The following MTPAP variants were observed in gnomAD, a reference collection of about 807,000 sequenced individuals.
The protein encoded by MTPAP is mitochondrial poly(A) polymerase.
MTPAP carries 23 observed loss-of-function variants against 48.7 expected under a neutral mutation model. The observed-to-expected ratio is 0.47, with a 90% CI of 0.34 to 0.67. MTPAP has a LOEUF of 0.67. Ranked by LOEUF, MTPAP falls within the 30% of genes least tolerant of loss-of-function variation. The probability of loss-of-function intolerance (pLI) is 0.01; values close to 1 mark genes in which losing one functional copy is unlikely to be tolerated. For missense variants in MTPAP, 614 were observed against 694.3 expected, an observed-to-expected ratio of 0.88 and a Z score of 1.30; for synonymous variants, 257 against 254.1, an observed-to-expected ratio of 1.01 and a Z score of -0.11.
In MTPAP at chr10:30,341,349, A is replaced by C. The variant is rs563635023; in HGVS notation, c.330+119T>G. The C allele has an allele frequency of 2.4e-6, 3 of 1,246,422 alleles. No individual in the cohort carries two copies. The African/African-American group carries it at 4.6e-5, about 19-fold the overall frequency. 77.2% of individuals were successfully genotyped at this position (1,246,422 alleles called of 1,614,324 possible). On this transcript the variant is annotated intron_variant, in intron 2 of 8. Coordinates refer to ENST00000263063, the MANE Select transcript of MTPAP (RefSeq NM_018109.4). ...AAAGAAATCTAGATAAAGAAGATGC[A>C]GTATATCAAAGAGAACCTACCTACC...
chr10:30,348,611 T>C (rs758391761), intron 1 of MTPAP, among the ~76,000 whole-genome samples: 2 of 152,004 alleles, frequency 1.3e-5, no homozygotes, highest in Non-Finnish European at 2.9e-5. Flanking sequence ...ACTGATTTGG[T>C]TCAAAATGGC....
chr10:30,320,431 G>A lies in MTPAP; in HGVS notation c.1219+1960C>T, dbSNP rs564727464. 5.3e-5 allele frequency among the ~76,000 whole-genome samples: 8 copies of A among 152,250 alleles called. No homozygotes were observed. The East Asian group carries it at 1.4e-3, about 26-fold the overall frequency. On this transcript the variant is annotated intron_variant, in intron 6 of 8. Transcript: ENST00000263063. The stretch of plus-strand genomic sequence containing the variant: ...TCCCAGCTATTCAGGAGGCTGAAGT[G>A]AGATTACGTGAGCCCGGGAGGTCGA...
intron 4 of MTPAP, among the ~76,000 whole-genome samples, chr10:30,327,854 A>C (rs187422543): frequency 3.9e-5 from 6 of 152,174 alleles, no homozygotes; most frequent in Admixed American, 1.3e-4. Context: ...TCAAAAAAAA[A>C]AAAAAAACTG....
chr10:30,328,294 A>G (rs1834622748), intron 4 of MTPAP, among the ~76,000 whole-genome samples: 1 of 152,252 alleles, frequency 6.6e-6, no homozygotes, highest in South Asian at 2.1e-4. Context: ...GTAAAGACAA[A>G]CAGGTTAGTG....
At chr10:30,329,805 A>G (rs1259710030) in intron 4 of MTPAP, among the ~76,000 whole-genome samples, 1 of 152,172 alleles carries the variant, frequency 6.6e-6, no homozygotes, top group Non-Finnish European at 1.5e-5. Context: ...ATTATCCAAC[A>G]AAAAGAGGAC....
At chr10:30,332,871 C>T (rs998646080) in intron 4 of MTPAP, among the ~76,000 whole-genome samples, 1 of 151,978 alleles carries the variant, frequency 6.6e-6, no homozygotes, top group African/African-American at 2.4e-5. Context: ...CCTGTAATCC[C>T]AGCACTTTGG....
chr10:30,326,012 G>C (rs1406553486), intron 5 of MTPAP, among the ~76,000 whole-genome samples: 1 of 151,932 alleles, frequency 6.6e-6, no homozygotes, highest in Non-Finnish European at 1.5e-5. Flanking sequence ...ACTTCAAGTT[G>C]GTATTTTATT....
chr10:30,316,092 G>C, intron 7 of MTPAP, 26 bp downstream of exon 7: 1 of 1,608,396 alleles, frequency 6.2e-7, no homozygotes, highest in Non-Finnish European at 8.5e-7. Context: ...ATCCAGAAAG[G>C]ATCAAGTAAA....
In MTPAP at chr10:30,313,451, C is replaced by G; in HGVS notation, c.*158G>C. On this transcript the variant is annotated 3_prime_UTR_variant, in exon 9 of 9. Coordinates refer to ENST00000263063, the MANE Select transcript of MTPAP (RefSeq NM_018109.4). The stretch of plus-strand genomic sequence containing the variant: ...CAGACTGATCAAACTGAAAACATCC[C>G]AGAACTTCAGACCAGGTTAAGGGGG... 9.8e-7 allele frequency: 1 copy of G among 1,023,092 alleles called. No homozygotes were observed. The highest frequency in any genetic ancestry group is 1.4e-5 in the South Asian group (1 of 70,128). The allele number at this position is 1,023,092 out of a possible 1,614,324, so 63.4% of individuals were successfully genotyped here.
intron 6 of MTPAP, among the ~76,000 whole-genome samples, chr10:30,321,923 A>T (rs546535815): frequency 2.0e-5 from 3 of 152,374 alleles, no homozygotes; most frequent in South Asian, 4.1e-4. Context: ...TAGTATGTCA[A>T]ATTTAAAATA....
At chr10:30,334,247 C>A (rs1427720073) in intron 4 of MTPAP, among the ~76,000 whole-genome samples, 1 of 152,152 alleles carries the variant, frequency 6.6e-6, no homozygotes, top group Admixed American at 6.5e-5. Context: ...ACCTTGAAAG[C>A]TGCATTAGGA....
chr10:30,314,746 C>T (rs1840639546), intron 8 of MTPAP, among the ~76,000 whole-genome samples: 1 of 151,864 alleles, frequency 6.6e-6, no homozygotes. Flanking sequence ...GTGGCGCATG[C>T]CTGTAATCCC....
chr10:30,339,685 CT>C (rs1834776431), intron 3 of MTPAP, among the ~76,000 whole-genome samples: 1 of 152,166 alleles, frequency 6.6e-6, no homozygotes, highest in Non-Finnish European at 1.5e-5. Context: ...ATTACTATCA[CT>C]TTTCATTCAA....
At chr10:30,345,998 G>A (rs907221856) in intron 1 of MTPAP, among the ~76,000 whole-genome samples, 3 of 148,760 alleles carry the variant, frequency 2.0e-5, no homozygotes, top group Admixed American at 6.8e-5. Context: ...CCGAGATAGC[G>A]CCACTGAACT....
In MTPAP at chr10:30,322,523, C is replaced by T. The variant is rs754792921; in HGVS notation, c.1087G>A (p.Ala363Thr). Residue 363 changes from alanine to threonine, a missense_variant, in exon 6 of 9, where the codon GCA becomes ACA. Ala to Thr is a moderately conservative substitution (Grantham distance 58). Coordinates refer to ENST00000263063, the MANE Select transcript of MTPAP (RefSeq NM_018109.4). ...LVFSVRCWARAHSLTSSIPGA... is the reference protein window; with the variant it reads ...LVFSVRCWARTHSLTSSIPGA... ...GGAATACTACTTGTTAGTGAATGTG[C>T]TCGAGCCCAGCACCGTACACTGAAC... The T allele has an allele frequency of 6.2e-7, 1 of 1,613,958 alleles. No individual in the cohort carries two copies. The highest frequency in any genetic ancestry group is 1.1e-5 in the South Asian group (1 of 91,072).
chr10:30,320,439 G>C (rs796486711), intron 6 of MTPAP, among the ~76,000 whole-genome samples: 1 of 152,086 alleles, frequency 6.6e-6, no homozygotes, highest in Admixed American at 6.6e-5. Flanking sequence ...GTGAGATTAC[G>C]TGAGCCCGGG....
At chr10:30,343,805 C>G (rs1179754531) in intron 1 of MTPAP, among the ~76,000 whole-genome samples, 1 of 152,030 alleles carries the variant, frequency 6.6e-6, no homozygotes, top group Non-Finnish European at 1.5e-5. Flanking sequence ...TGACCTCAAG[C>G]AGTCCTCCCT....
chr10:30,349,087 G>A, intron 1 of MTPAP, 32 bp downstream of exon 1: 1 of 1,613,660 alleles, frequency 6.2e-7, no homozygotes, highest in Non-Finnish European at 8.5e-7. Flanking sequence ...CCCGCTGTGG[G>A]ACGGAACTAC....
At chr10:30,340,584 C>T (rs1834791598) in intron 2 of MTPAP, 134 bp from the exon 3 acceptor site, 3 of 757,698 alleles carry the variant, frequency 4.0e-6, no homozygotes. Flanking sequence ...TGATATGATT[C>T]TAACATAGCA....
Sources: allele counts gnomAD v4.1 joint callset (sites outside exome capture counted in the v4.1 genomes callset), GRCh38; gene constraint gnomAD v4.1.1; transcripts MANE v1.5; gene names NCBI Gene and HGNC (gene_info 2026-07-23, HGNC 2026-07-21).